The following ADAM2 variants were observed in gnomAD, a reference collection of about 807,000 sequenced individuals.
ADAM2 encodes the protein disintegrin and metalloproteinase domain-containing protein 2.
Under a neutral mutation model 99.3 loss-of-function variants are expected in ADAM2, and 101 were observed. That is an observed-to-expected ratio of 1.02 (90% CI 0.87 to 1.20). The LOEUF (loss-of-function observed/expected upper bound fraction) is 1.20, where lower values mean the gene tolerates loss of function less well. ADAM2 is among the 50% of genes most tolerant of loss of function. The pLI is 0.00. For synonymous variants in ADAM2, 323 were observed against 287.6 expected (o/e 1.12, Z -1.25); for missense variants, 948 against 878.7 (o/e 1.08, Z -1.00).
intron 6 of ADAM2, among the ~76,000 whole-genome samples, chr8:39,810,345 A>T (rs1804642664): frequency 6.6e-6 from 1 of 152,208 alleles, no homozygotes; most frequent in Non-Finnish European, 1.5e-5. Flanking sequence ...GGCGACTTTA[A>T]CACCCCACTG....
At chr8:39,768,168 T>C (rs1221777430) in intron 12 of ADAM2, among the ~76,000 whole-genome samples, 2 of 152,128 alleles carry the variant, frequency 1.3e-5, no homozygotes, top group Non-Finnish European at 2.9e-5. Context: ...TTATATAACA[T>C]TTCGAGAGCT....
At chr8:39,788,610 G>A (rs1378763901) in intron 8 of ADAM2, 59 bp downstream of exon 8, 3 of 1,161,756 alleles carry the variant, frequency 2.6e-6, no homozygotes, top group Non-Finnish European at 2.5e-6. Context: ...TCATAATGAG[G>A]TGTAGAAATT....
At chr8:39,786,310 A>G (rs1355657131) in intron 10 of ADAM2, among the ~76,000 whole-genome samples, 3 of 152,148 alleles carry the variant, frequency 2.0e-5, no homozygotes, top group Admixed American at 1.3e-4. Flanking sequence ...AGTTGAAATT[A>G]TTTTTATCTC....
In ADAM2 at chr8:39,834,011, G is replaced by A; in HGVS notation, c.133-12C>T. On this transcript the variant is annotated splice_polypyrimidine_tract_variant and intron_variant, in intron 2 of 20. Transcript: ENST00000265708. Reference sequence around the variant, plus strand: ...ATTTTGTAGGATGCCTGGCAGGAGAGCACAGTAAAAATACAAAGAAAATGA... The same window carrying A: ...ATTTTGTAGGATGCCTGGCAGGAGAACACAGTAAAAATACAAAGAAAATGA... 3 of 1,525,210 alleles carry A rather than the reference G, an allele frequency of 2.0e-6. No homozygotes were observed. Among genetic ancestry groups the A allele is most frequent in the Non-Finnish European group, 2.7e-6 (3 of 1,107,252 alleles). The allele number at this position is 1,525,210 out of a possible 1,614,324, so 94.5% of individuals were successfully genotyped here. A position where few individuals can be genotyped will look rare whatever the true frequency, so the allele number is the denominator to read the frequency against.
At chr8:39,791,028 A>G (rs1319304842) in intron 7 of ADAM2, among the ~76,000 whole-genome samples, 1 of 151,952 alleles carries the variant, frequency 6.6e-6, no homozygotes, top group African/African-American at 2.4e-5. Flanking sequence ...TAACAACTAA[A>G]TATAGAAATA....
At chr8:39,758,370 T>A (rs433950) in intron 15 of ADAM2, among the ~76,000 whole-genome samples, 27,735 of 151,988 alleles carry the variant, frequency 0.18, 2,844 homozygotes, top group East Asian at 0.29. Context: ...TATTTGTGTG[T>A]ATATTATATG....
At chr8:39,792,850 C>CT (rs1266349025) in intron 7 of ADAM2, among the ~76,000 whole-genome samples, 2 of 152,036 alleles carry the variant, frequency 1.3e-5, no homozygotes, top group African/African-American at 4.8e-5. Flanking sequence ...ATAGAAAATG[C>CT]TTTTTCTGCC....
At chr8:39,753,502 T>C (rs997094071) in intron 16 of ADAM2, among the ~76,000 whole-genome samples, 7 of 151,792 alleles carry the variant, frequency 4.6e-5, no homozygotes, top group African/African-American at 1.7e-4. Flanking sequence ...AGGAGTCAAA[T>C]GTTAGTCATC....
At chr8:39,833,842 C>A in intron 3 of ADAM2, 102 bp downstream of exon 3, 1 of 720,566 alleles carries the variant, frequency 1.4e-6, no homozygotes, top group Non-Finnish European at 2.4e-6. Context: ...TGGCAAGAAG[C>A]TAGAAATATT....
chr8:39,769,593 G>A lies in ADAM2; in HGVS notation c.1029-18C>T, dbSNP rs368772260. ...TGAAATGACTAAAGACACATCAAAC[G>A]TCAAATTTTAATGTAAGGGTTTCCA... On this transcript the variant is annotated intron_variant, in intron 11 of 20. Coordinates refer to ENST00000265708, the MANE Select transcript of ADAM2 (RefSeq NM_001464.5). 14 of 1,584,770 alleles carry A rather than the reference G, an allele frequency of 8.8e-6. No individual in the cohort carries two copies. Among genetic ancestry groups the A allele is most frequent in the African/African-American group, 5.4e-5 (4 of 74,264 alleles).
Position 39,743,747 on chromosome 8 carries a change from C to G in ADAM2, c.*348G>C, listed in dbSNP as rs1401354576. The G allele has an allele frequency of 6.6e-6, 1 of 151,978 alleles. No homozygotes were observed. The highest frequency in any genetic ancestry group is 1.5e-5 in the Non-Finnish European group (1 of 67,956). The allele number at this position is 151,978 out of a possible 1,614,324, so 9.4% of individuals were successfully genotyped here. A position where few individuals can be genotyped will look rare whatever the true frequency, so the allele number is the denominator to read the frequency against. ...CATACCATTGCAATTTGAAATGTAA[C>G]AGTGGCTTTTAATCATAGTACCACC... On this transcript the variant is annotated 3_prime_UTR_variant, in exon 21 of 21. Transcript: ENST00000265708.
At chr8:39,749,274 A>T in intron 18 of ADAM2, 38 bp downstream of exon 18, 1 of 1,524,618 alleles carries the variant, frequency 6.6e-7, no homozygotes, top group Non-Finnish European at 8.9e-7. Flanking sequence ...AATTCAAATT[A>T]TGTTTTAATT....
chr8:39,838,045 TC>T (rs1167332211), intron 1 of ADAM2, 85 bp downstream of exon 1: 2 of 1,454,454 alleles, frequency 1.4e-6, no homozygotes, highest in African/African-American at 2.8e-5. Context: ...GAAAGCATCC[TC>T]CCAGGGATGT....
chr8:39,815,078 G>T (rs907719434), intron 6 of ADAM2, among the ~76,000 whole-genome samples: 2 of 151,940 alleles, frequency 1.3e-5, no homozygotes, highest in Non-Finnish European at 2.9e-5. Flanking sequence ...ATTTAACAAT[G>T]GATCACCACT....
intron 19 of ADAM2, 30 bp from the exon 20 acceptor site, chr8:39,744,923 A>G (rs1453777636): frequency 6.5e-7 from 1 of 1,532,392 alleles, no homozygotes; most frequent in South Asian, 1.2e-5. Context: ...ATAATATTAT[A>G]CTTTCTTCAA....
intron 16 of ADAM2, among the ~76,000 whole-genome samples, chr8:39,753,480 G>A (rs1191143477): frequency 1.3e-5 from 2 of 151,930 alleles, no homozygotes. Flanking sequence ...GCAGAAATTT[G>A]CATAAGTAAT....
intron 7 of ADAM2, among the ~76,000 whole-genome samples, chr8:39,798,635 T>G (rs1437337661): frequency 6.6e-6 from 1 of 152,204 alleles, no homozygotes; most frequent in Non-Finnish European, 1.5e-5. Context: ...TCTTTGTATT[T>G]CTGGTAGAAT....
chr8:39,813,628 G>A (rs1003262401), intron 6 of ADAM2, among the ~76,000 whole-genome samples: 1 of 152,204 alleles, frequency 6.6e-6, no homozygotes, highest in African/African-American at 2.4e-5. Context: ...TAGGGACATG[G>A]ATGAAGCTGG....
rs544585001 is a variant in ADAM2 at position 39,800,921 on chromosome 8, C to G, written c.570+8489G>C. The stretch of plus-strand genomic sequence containing the variant: ...AAACTGGTTATTCTAGTTAGCAATT[C>G]CTCTGACCTTTTATCAAGGTTCTTA... On this transcript the variant is annotated intron_variant, in intron 7 of 20. Transcript: ENST00000265708. 5.9e-4 allele frequency among the ~76,000 whole-genome samples: 89 copies of G among 152,114 alleles called. 1 individual carries two copies. Among genetic ancestry groups the G allele is most frequent in the Non-Finnish European group, 1.3e-3 (86 of 68,016 alleles).
Sources: gnomAD v4.1 joint callset for allele counts (sites outside exome capture counted in the v4.1 genomes callset) on GRCh38, gnomAD v4.1.1 for gene constraint, MANE v1.5 for transcripts, NCBI Gene and HGNC (gene_info 2026-07-23, HGNC 2026-07-21) for gene names.